Variants in LINGO2 observed in about 807,000 individuals in gnomAD.
The protein encoded by LINGO2 is leucine rich repeat and Ig domain containing 2.
LINGO2 carries 14 observed loss-of-function variants against 30.6 expected under a neutral mutation model. The ratio of observed to expected loss-of-function variants is 0.46; its 90% confidence interval spans 0.30 to 0.72. LINGO2 has a LOEUF of 0.72. Ranked by LOEUF, LINGO2 falls within the 30% of genes least tolerant of loss-of-function variation. The probability of loss-of-function intolerance (pLI) is 0.07; values close to 1 mark genes in which losing one functional copy is unlikely to be tolerated. For synonymous variants in LINGO2, 317 were observed against 288.5 expected, an observed-to-expected ratio of 1.10 and a Z score of -1.00; for missense variants, 729 against 751.7, an observed-to-expected ratio of 0.97 and a Z score of 0.35.
intron 4 of LINGO2, among the ~76,000 whole-genome samples, chr9:28,171,066 C>T (rs959984360): frequency 7.9e-5 from 12 of 152,192 alleles, no homozygotes; most frequent in African/African-American, 1.9e-4. Flanking sequence ...AATGTAAGTT[C>T]GGCCAACCAT....
chr9:28,277,170 T>C (rs1348355544), intron 4 of LINGO2, among the ~76,000 whole-genome samples: 4 of 152,236 alleles, frequency 2.6e-5, no homozygotes, highest in Non-Finnish European at 4.4e-5. Context: ...GCCCTTGCAT[T>C]GTGTCTCTGT....
At chr9:29,003,508 C>A in the LINGO2 span, among the ~76,000 whole-genome samples, 1 of 151,976 alleles carries the variant, frequency 6.6e-6, no homozygotes, top group Admixed American at 6.6e-5. Flanking sequence ...AAAAGAAATA[C>A]ACACACACAG....
At chr9:28,599,557 A>G (rs949783878) in intron 1 of LINGO2, among the ~76,000 whole-genome samples, 1 of 152,134 alleles carries the variant, frequency 6.6e-6, no homozygotes, top group Non-Finnish European at 1.5e-5. Context: ...ATTTAAAATA[A>G]TGAAATATCC....
At chr9:28,363,526 T>C (rs1820538668) in intron 3 of LINGO2, among the ~76,000 whole-genome samples, 1 of 152,138 alleles carries the variant, frequency 6.6e-6, no homozygotes, top group African/African-American at 2.4e-5. Flanking sequence ...TGGGTTTCTT[T>C]AGACATATAA....
Position 28,047,164 on chromosome 9 carries a change from A to G in LINGO2, c.-86-34759T>C, listed in dbSNP as rs973341117. On this transcript the variant is annotated intron_variant, in intron 4 of 5. Coordinates refer to ENST00000379992, the Ensembl canonical transcript of LINGO2. Reference sequence around the variant, plus strand: ...TGAAGGCTAGACAGGTAGGTATTGCAAGGGTGGAGATGTACTTCGTCTTTC... The same window carrying G: ...TGAAGGCTAGACAGGTAGGTATTGCGAGGGTGGAGATGTACTTCGTCTTTC... 1.3e-5 allele frequency among the ~76,000 whole-genome samples: 2 copies of G among 152,252 alleles called. 1 individual carries two copies. Among genetic ancestry groups the G allele is most frequent in the Admixed American group, 1.3e-4 (2 of 15,276 alleles).
At chr9:28,030,536 T>A (rs977976810) in intron 4 of LINGO2, among the ~76,000 whole-genome samples, 5 of 152,118 alleles carry the variant, frequency 3.3e-5, no homozygotes, top group Admixed American at 3.3e-4. Context: ...CCCAAATGTA[T>A]AAAATGGCCT....
chr9:29,151,667 C>T, the LINGO2 span, among the ~76,000 whole-genome samples: 2 of 151,914 alleles, frequency 1.3e-5, no homozygotes, highest in African/African-American at 4.8e-5. Flanking sequence ...AAGGGCATTA[C>T]CTAAAAAAGG....
intron 1 of LINGO2, among the ~76,000 whole-genome samples, chr9:28,496,231 C>T (rs149996330): frequency 0.021 from 3,254 of 152,078 alleles, 104 homozygotes; most frequent in East Asian, 0.098. Flanking sequence ...CTTTCTGTCT[C>T]GTTGATCTGT....
the LINGO2 span, among the ~76,000 whole-genome samples, chr9:29,075,368 G>A: frequency 6.6e-6 from 1 of 152,222 alleles, no homozygotes; most frequent in South Asian, 2.1e-4. Context: ...CTTTCATGAA[G>A]AAGTTTACAT....
Position 28,561,499 on chromosome 9 carries a change from C to A in LINGO2, c.-364-85474G>T, listed in dbSNP as rs938000604. Among the ~76,000 whole-genome samples the A allele has an allele frequency of 8.0e-5, 12 of 149,350 alleles. No individual in the cohort carries two copies. In the South Asian group the frequency reaches 1.0e-3, roughly 13 times the overall value. ...GTTTCTATAATTAGTTTATAAAGAA[C>A]CTTATATTTATTTTAAATATTTTAT... On this transcript the variant is annotated intron_variant, in intron 1 of 5. Transcript: ENST00000379992.
At chr9:28,635,766 T>C (rs1387789971) in intron 1 of LINGO2, among the ~76,000 whole-genome samples, 1 of 152,166 alleles carries the variant, frequency 6.6e-6, no homozygotes, top group Non-Finnish European at 1.5e-5. Flanking sequence ...TTAGTTTTAA[T>C]ATGATCCAAT....
chr9:28,756,100 T>G, the LINGO2 span, among the ~76,000 whole-genome samples: 55 of 152,190 alleles, frequency 3.6e-4, no homozygotes, highest in Middle Eastern at 6.8e-3. Context: ...CCTGATCCAT[T>G]CTACAATTAG....
chr9:28,497,925 C>A (rs1819707866), intron 1 of LINGO2, among the ~76,000 whole-genome samples: 1 of 152,178 alleles, frequency 6.6e-6, no homozygotes, highest in Non-Finnish European at 1.5e-5. Flanking sequence ...GAGGTCCATT[C>A]CAGACCCTGT....
chr9:28,990,799 T>A, the LINGO2 span, among the ~76,000 whole-genome samples: 2 of 152,086 alleles, frequency 1.3e-5, no homozygotes, highest in African/African-American at 4.8e-5. Flanking sequence ...GAGGTTCCTG[T>A]CTGTTAGAAG....
At chr9:28,237,591 T>C (rs1201395436) in intron 4 of LINGO2, among the ~76,000 whole-genome samples, 1 of 152,172 alleles carries the variant, frequency 6.6e-6, no homozygotes, top group Non-Finnish European at 1.5e-5. Flanking sequence ...GGCTCACACC[T>C]GCAATCCCAG....
the LINGO2 span, among the ~76,000 whole-genome samples, chr9:28,890,464 A>T: frequency 6.6e-6 from 1 of 152,110 alleles, no homozygotes; most frequent in Admixed American, 6.6e-5. Flanking sequence ...TGGAAGAAGA[A>T]TGCCACAATG....
intron 4 of LINGO2, among the ~76,000 whole-genome samples, chr9:28,237,719 G>T (rs1173876605): frequency 2.6e-5 from 4 of 152,064 alleles, no homozygotes; most frequent in Non-Finnish European, 5.9e-5. Flanking sequence ...GCCGGGCATG[G>T]TGGCACATGC....
intron 2 of LINGO2, among the ~76,000 whole-genome samples, chr9:28,402,890 A>C (rs1394668128): frequency 6.6e-6 from 1 of 152,166 alleles, no homozygotes; most frequent in Non-Finnish European, 1.5e-5. Flanking sequence ...AGAAGGTAGA[A>C]TGTGCAGTAG....
the LINGO2 span, among the ~76,000 whole-genome samples, chr9:29,014,147 T>C: frequency 1.3e-5 from 2 of 152,202 alleles, no homozygotes; most frequent in African/African-American, 4.8e-5. Context: ...CTATGTTTAT[T>C]ATTTCCTCCA....
Sources: gnomAD v4.1 joint callset for allele counts (sites outside exome capture counted in the v4.1 genomes callset) on GRCh38, gnomAD v4.1.1 for gene constraint, MANE v1.5 for transcripts, NCBI Gene and HGNC (gene_info 2026-07-23, HGNC 2026-07-21) for gene names.